The following DOCK4 variants were observed in gnomAD, a reference collection of about 807,000 sequenced individuals.
DOCK4 encodes dedicator of cytokinesis 4, also known as dedicator of cytokinesis protein 4.
A neutral mutation model predicts 268.1 loss-of-function variants in DOCK4; 97 were observed. The observed-to-expected ratio is 0.36, with a 90% CI of 0.31 to 0.43. The LOEUF (loss-of-function observed/expected upper bound fraction) is 0.43, where lower values mean the gene tolerates loss of function less well. DOCK4 is among the 20% of genes least tolerant of loss of function. DOCK4 has a pLI of 1.00. For synonymous variants in DOCK4, 954 were observed against 887.2 expected, an observed-to-expected ratio of 1.08 and a Z score of -1.34; for missense variants, 2,145 against 2,455.7, an observed-to-expected ratio of 0.87 and a Z score of 2.67.
chr7:111,907,329 C>T (rs756592478), intron 13 of DOCK4, among the ~76,000 whole-genome samples: 3 of 152,152 alleles, frequency 2.0e-5, no homozygotes, highest in Admixed American at 6.5e-5. Flanking sequence ...GCACATGATG[C>T]AACACCCACA....
At chr7:111,839,600 C>G (rs191168697) in intron 25 of DOCK4, among the ~76,000 whole-genome samples, 1 of 152,202 alleles carries the variant, frequency 6.6e-6, no homozygotes, top group Admixed American at 6.5e-5. Flanking sequence ...TGACTTATGC[C>G]CATTGCAATA....
rs754624578 is a variant in DOCK4, at chr7:111,912,967, CT to C, written c.1192+2811del. 5.1e-3 allele frequency among the ~76,000 whole-genome samples: 723 copies of C among 141,182 alleles called. 1 individual carries two copies. Among genetic ancestry groups the C allele is most frequent in the Admixed American group, 4.6e-3 (65 of 14,014 alleles). 92.6% of individuals were successfully genotyped at this position (141,182 alleles called of 152,430 possible). A position where few individuals can be genotyped will look rare whatever the true frequency, so the allele number is the denominator to read the frequency against. On this transcript the variant is annotated intron_variant, in intron 13 of 52. Coordinates refer to ENST00000428084, the MANE Select transcript of DOCK4 (RefSeq NM_001363540.2). Reference sequence around the variant, plus strand: ...AAATTTTTTAGAGCATAGAAATTTCCTTTTTTTTTTTTTTAGATGGAGTTTC... The same window carrying C: ...AAATTTTTTAGAGCATAGAAATTTCCTTTTTTTTTTTTTAGATGGAGTTTC...
At chr7:112,100,057 A>T (rs558922488) in intron 1 of DOCK4, among the ~76,000 whole-genome samples, 1 of 152,348 alleles carries the variant, frequency 6.6e-6, no homozygotes, top group East Asian at 1.9e-4. Context: ...ATATTTTAAC[A>T]AAAATAAATT....
At chr7:111,894,228 AAAAAG>A (rs1803881865) in intron 16 of DOCK4, among the ~76,000 whole-genome samples, 1 of 151,890 alleles carries the variant, frequency 6.6e-6, no homozygotes, top group South Asian at 2.1e-4. Context: ...TCTCAAAAAA[AAAAAG>A]AAAAAAGAAA....
chr7:111,949,379 T>G (rs1242086240), intron 8 of DOCK4, among the ~76,000 whole-genome samples: 1 of 152,322 alleles, frequency 6.6e-6, no homozygotes, highest in African/African-American at 2.4e-5. Context: ...CAATGTTTCC[T>G]AAAGTATTCT....
At position 112,012,502 on chromosome 7, in the gene DOCK4, C is replaced by G. The variant is rs186610056; in HGVS notation, c.38-8371G>C. Among the ~76,000 whole-genome samples, 36 of 152,308 alleles carry G rather than the reference C, an allele frequency of 2.4e-4. No individual in the cohort carries two copies. The East Asian group carries it at 6.4e-3, about 27-fold the overall frequency. ...TATTATTTGTGCAAGGGACGATAGA[C>G]AGCACGAGGCAGGAAAAAATTACAA... On this transcript the variant is annotated intron_variant, in intron 1 of 52. Transcript: ENST00000428084.
At chr7:111,989,292 G>T in intron 5 of DOCK4, 129 bp from the exon 6 acceptor site, 4 of 1,228,312 alleles carry the variant, frequency 3.3e-6, no homozygotes, top group Non-Finnish European at 4.5e-6. Context: ...ACAGATGTCC[G>T]TGAACAGACA....
chr7:111,913,648 A>G (rs1036943514), intron 13 of DOCK4, among the ~76,000 whole-genome samples: 5 of 150,542 alleles, frequency 3.3e-5, no homozygotes, highest in Non-Finnish European at 5.9e-5. Flanking sequence ...TGACCTCGTG[A>G]TCCGCCCACC....
chr7:112,079,617 G>A (rs1808401611), intron 1 of DOCK4, among the ~76,000 whole-genome samples: 1 of 152,186 alleles, frequency 6.6e-6, no homozygotes, highest in African/African-American at 2.4e-5. Flanking sequence ...ATGGTAGAAG[G>A]AATTGGGAAC....
At chr7:112,013,695 G>A (rs939795320) in intron 1 of DOCK4, among the ~76,000 whole-genome samples, 1 of 152,222 alleles carries the variant, frequency 6.6e-6, no homozygotes, top group Non-Finnish European at 1.5e-5. Context: ...CAGCAAACAG[G>A]TTTTGTATGA....
At chr7:111,732,493 A>C in intron 51 of DOCK4, 2 of 594,248 alleles carry the variant, frequency 3.4e-6, no homozygotes, top group South Asian at 2.0e-5. Flanking sequence ...AAGATATGGG[A>C]GCATCAGTGA....
At chr7:112,097,450 C>A (rs775172503) in intron 1 of DOCK4, among the ~76,000 whole-genome samples, 1 of 151,772 alleles carries the variant, frequency 6.6e-6, no homozygotes, top group Non-Finnish European at 1.5e-5. Flanking sequence ...TGGTGTGCAC[C>A]TGTGCTACCA....
intron 21 of DOCK4, among the ~76,000 whole-genome samples, chr7:111,869,168 C>T (rs2074134): frequency 0.17 from 25,545 of 152,078 alleles, 2,244 homozygotes; most frequent in Admixed American, 0.19. Flanking sequence ...TTATAATCCC[C>T]GCTAAGCCAC....
In DOCK4 at chr7:111,788,433, C is replaced by A. The variant is rs540353855; in HGVS notation, c.3401+229G>T. On this transcript the variant is annotated intron_variant, in intron 32 of 52. Coordinates refer to ENST00000428084, the MANE Select transcript of DOCK4 (RefSeq NM_001363540.2). Reference sequence around the variant, plus strand: ...GAGATTTGTTATGTAACATATGCAACCTGTCCTAATCAGAGATTAAAACAG... The same window carrying A: ...GAGATTTGTTATGTAACATATGCAAACTGTCCTAATCAGAGATTAAAACAG... 3.7e-5 allele frequency: 19 copies of A among 520,114 alleles called. No homozygotes were observed. The East Asian group carries it at 4.8e-4, about 13-fold the overall frequency. The allele number at this position is 520,114 out of a possible 1,614,324, so 32.2% of individuals were successfully genotyped here. A position where few individuals can be genotyped will look rare whatever the true frequency, so the allele number is the denominator to read the frequency against.
chr7:111,882,948 C>G (rs1807530282), intron 16 of DOCK4, among the ~76,000 whole-genome samples: 1 of 152,114 alleles, frequency 6.6e-6, no homozygotes. Flanking sequence ...ACCTCTCTAA[C>G]AAGTTTAGAG....
rs374077880 is a variant in DOCK4, at chr7:111,732,209, G to A, written c.5481+17C>T. ...ACTGGGCCAGTCTCTAGCCTCAGTC[G>A]AAAGAAGGGCCTTTACCTTCAATGG... On this transcript the variant is annotated intron_variant, in intron 52 of 52. Coordinates refer to ENST00000428084, the MANE Select transcript of DOCK4 (RefSeq NM_001363540.2). 2.5e-5 allele frequency: 40 copies of A among 1,613,442 alleles called. No homozygotes were observed. Among genetic ancestry groups the A allele is most frequent in the East Asian group, 2.0e-4 (9 of 44,882 alleles).
At position 111,726,619 on chromosome 7, in the gene DOCK4, CAT is replaced by C. The variant is rs1285090086; in HGVS notation, c.*1653_*1654del. 2 of 152,710 alleles carry C rather than the reference CAT, an allele frequency of 1.3e-5. No homozygotes were observed. Among genetic ancestry groups the C allele is most frequent in the African/African-American group, 2.4e-5 (1 of 41,564 alleles). The allele number at this position is 152,710 out of a possible 1,614,324, so 9.5% of individuals were successfully genotyped here. On this transcript the variant is annotated 3_prime_UTR_variant, in exon 53 of 53. Transcript: ENST00000428084. The stretch of plus-strand genomic sequence containing the variant: ...ACTTTCACTAAACATAAATATTTAA[CAT>C]ATATTAATTTTTCCGACATTCAAAA...
chr7:112,074,345 C>G (rs1442968625), intron 1 of DOCK4, among the ~76,000 whole-genome samples: 5 of 152,116 alleles, frequency 3.3e-5, no homozygotes, highest in African/African-American at 1.2e-4. Flanking sequence ...TATTTGGGAA[C>G]TGGAAATAAA....
At chr7:111,960,377 AG>A (rs1197116001) in intron 8 of DOCK4, among the ~76,000 whole-genome samples, 1 of 150,470 alleles carries the variant, frequency 6.6e-6, no homozygotes, top group Non-Finnish European at 1.5e-5. Flanking sequence ...AAAAAAAAAA[AG>A]AAAAGAAAAA....
Sources: gnomAD v4.1 joint callset for allele counts (sites outside exome capture counted in the v4.1 genomes callset) on GRCh38, gnomAD v4.1.1 for gene constraint, MANE v1.5 for transcripts, NCBI Gene and HGNC (gene_info 2026-07-23, HGNC 2026-07-21) for gene names.